CRYM: variants seen among roughly 807,000 people sequenced by gnomAD.
CRYM encodes the protein ketimine reductase mu-crystallin.
In CRYM, 18 loss-of-function variants were observed where a neutral mutation model predicts 32.9. That is an observed-to-expected ratio of 0.55 (90% CI 0.38 to 0.81). CRYM has a LOEUF of 0.81. CRYM is among the 30% of genes least tolerant of loss of function. The pLI is 0.00. For synonymous variants in CRYM, 153 were observed against 152.4 expected (o/e 1.00, Z -0.03); for missense variants, 337 against 393.5 (o/e 0.86, Z 1.21).
At chr16:21,289,547 A>T (rs189774295) in intron 1 of CRYM, among the ~76,000 whole-genome samples, 1 of 152,312 alleles carries the variant, frequency 6.6e-6, no homozygotes, top group Admixed American at 6.5e-5. Flanking sequence ...CTTTAATTGG[A>T]GCAGTAATCT....
At chr16:21,295,290 G>A (rs369670489) in intron 1 of CRYM, among the ~76,000 whole-genome samples, 66 of 152,302 alleles carry the variant, frequency 4.3e-4, no homozygotes, top group African/African-American at 1.5e-3. Flanking sequence ...CACCAACAGC[G>A]TAAAAGTGTT....
intron 1 of CRYM, among the ~76,000 whole-genome samples, chr16:21,296,092 C>A (rs1384451607): frequency 6.6e-6 from 1 of 152,102 alleles, no homozygotes; most frequent in Admixed American, 6.5e-5. Flanking sequence ...CATTTTCCAC[C>A]ATGTCCAGCT....
chr16:21,277,267 T>C lies in CRYM; in HGVS notation c.324+164A>G, dbSNP rs1481492730. On this transcript the variant is annotated intron_variant, in intron 2 of 7. Transcript: ENST00000572914. The surrounding 1 kb of genome is among the most constrained non-coding windows in gnomAD (Gnocchi z 4.2). ...ATGCATCCTCAGGCAGTCCTAGAAA[T>C]AGATACATGGACACAGATAACCTTC... 1.3e-5 allele frequency among the ~76,000 whole-genome samples: 2 copies of C among 152,130 alleles called. No homozygotes were observed. Among genetic ancestry groups the C allele is most frequent in the Non-Finnish European group, 2.9e-5 (2 of 68,010 alleles).
chr16:21,288,661 T>G (rs903560985), intron 1 of CRYM, among the ~76,000 whole-genome samples: 1 of 152,154 alleles, frequency 6.6e-6, no homozygotes, highest in Non-Finnish European at 1.5e-5. Flanking sequence ...GGCTTTGGGT[T>G]TGGTTTGCTC....
At position 21,278,139 on chromosome 16, in the gene CRYM, G is replaced by A; in HGVS notation, c.113C>T (p.Pro38Leu). The change falls in exon 1 of 8, where the codon CCC (proline) becomes CTC (leucine). Residue 38 changes from proline (P) to leucine (L), a missense_variant. Transcript: ENST00000572914. The stretch of plus-strand genomic sequence containing the variant: ...CACGGGCTGCATGACCCCTCCTTCG[G>A]GACCGCTGGAGAAGTTGGCCAGGGC... ...ETALANFSSG[P>L]EGGVMQPVRT... is the part of the protein sequence containing the mutation. 1.3e-6 allele frequency: 2 copies of A among 1,550,664 alleles called. No homozygotes were observed. Among genetic ancestry groups the A allele is most frequent in the Non-Finnish European group, 8.7e-7 (1 of 1,147,490 alleles).
chr16:21,294,450 G>C (rs1960742908), intron 1 of CRYM, among the ~76,000 whole-genome samples: 1 of 151,992 alleles, frequency 6.6e-6, no homozygotes, highest in African/African-American at 2.4e-5. Flanking sequence ...CTATCATCTA[G>C]GTTTTAAGCC....
chr16:21,287,150 G>A (rs2093408837), intron 1 of CRYM, among the ~76,000 whole-genome samples: 1 of 151,872 alleles, frequency 6.6e-6, no homozygotes, highest in Admixed American at 6.5e-5. Flanking sequence ...TTGGAAGTAT[G>A]TCAAATACTA....
chr16:21,278,063 C>A lies in CRYM; in HGVS notation c.170+19G>T. 3 of 1,538,982 alleles carry A rather than the reference C, an allele frequency of 1.9e-6. No homozygotes were observed. Among genetic ancestry groups the A allele is most frequent in the Non-Finnish European group, 1.7e-6 (2 of 1,144,986 alleles). ...CTTTCCAGTTTCTCCTGCCCCTGAC[C>A]CCGACCCTCCTCACTCACCCCCTGT... On this transcript the variant is annotated intron_variant, in intron 1 of 7. Transcript: ENST00000572914.
chr16:21,288,449 A>G (rs973992759), intron 1 of CRYM, among the ~76,000 whole-genome samples: 2 of 151,882 alleles, frequency 1.3e-5, no homozygotes, highest in Admixed American at 6.6e-5. Context: ...ATGTTTTTTA[A>G]TTTTTGTAAG....
chr16:21,299,370 G>A (rs565882065), intron 1 of CRYM, among the ~76,000 whole-genome samples: 4 of 151,790 alleles, frequency 2.6e-5, no homozygotes, highest in South Asian at 4.2e-4. Flanking sequence ...GTTGAGTGGC[G>A]TGATCTCAGC....
chr16:21,286,075 C>CT (rs1481145515), intron 1 of CRYM, among the ~76,000 whole-genome samples: 2 of 152,168 alleles, frequency 1.3e-5, no homozygotes, highest in South Asian at 2.1e-4. Context: ...TTCAAGAGTA[C>CT]TTGTCATAGT....
chr16:21,296,801 G>A (rs2152865764), intron 1 of CRYM, among the ~76,000 whole-genome samples: 1 of 152,078 alleles, frequency 6.6e-6, no homozygotes, highest in East Asian at 1.9e-4. Flanking sequence ...ATGAGGTCAG[G>A]AGATCGAGAC....
chr16:21,293,057 AGAAT>A (rs1567241456), intron 1 of CRYM, among the ~76,000 whole-genome samples: 1 of 151,756 alleles, frequency 6.6e-6, no homozygotes, highest in Admixed American at 6.6e-5. Context: ...ATAGATAGAT[AGAAT>A]AAGATACAGA....
chr16:21,263,288 C>A (rs2093357946), intron 5 of CRYM, among the ~76,000 whole-genome samples: 1 of 152,184 alleles, frequency 6.6e-6, no homozygotes, highest in Non-Finnish European at 1.5e-5. Context: ...GTAATCCCAG[C>A]TACCTGGGAG....
chr16:21,279,161 A>G (rs1156642196), upstream of CRYM, among the ~76,000 whole-genome samples: 1 of 152,220 alleles, frequency 6.6e-6, no homozygotes, highest in Non-Finnish European at 1.5e-5. Flanking sequence ...CAACAATGAT[A>G]ACATCAGGTT....
At chr16:21,283,418 G>C (rs1034551136) in intron 1 of CRYM, 21 of 152,028 alleles carry the variant, frequency 1.4e-4, no homozygotes, top group African/African-American at 4.8e-4. Flanking sequence ...TGCCAATACA[G>C]CTCCTCACGA....
intron 4 of CRYM, 99 bp from the exon 5 acceptor site, chr16:21,267,836 A>C (rs2093367455): frequency 1.7e-6 from 2 of 1,159,390 alleles, no homozygotes; most frequent in Admixed American, 3.6e-5. Context: ...CTACTCTGGC[A>C]TAGGGGTCAG....
chr16:21,261,887 T>G, intron 6 of CRYM, 150 bp downstream of exon 6: 1 of 849,334 alleles, frequency 1.2e-6, no homozygotes, highest in Admixed American at 2.2e-5. Context: ...TTAAAGAGGG[T>G]TGCAAAATGT....
At chr16:21,262,406 C>CT in intron 5 of CRYM, 1 of 411,368 alleles carries the variant, frequency 2.4e-6, no homozygotes, top group Non-Finnish European at 4.6e-6. Context: ...TCACTTGAAG[C>CT]CAGGAGTTTG....
Sources: allele counts gnomAD v4.1 joint callset (sites outside exome capture counted in the v4.1 genomes callset), GRCh38; gene constraint gnomAD v4.1.1; non-coding constraint Gnocchi (gnomAD v3.1); transcripts MANE v1.5; gene names NCBI Gene and HGNC (gene_info 2026-07-23, HGNC 2026-07-21).